Variants in LGMN observed in about 807,000 individuals in gnomAD.
LGMN encodes legumain.
A neutral mutation model predicts 56.8 loss-of-function variants in LGMN; 36 were observed. That is an observed-to-expected ratio of 0.63 (90% CI 0.49 to 0.84). The LOEUF (loss-of-function observed/expected upper bound fraction) is 0.84, where lower values mean the gene tolerates loss of function less well. LGMN is among the 40% of genes least tolerant of loss of function. LGMN has a pLI of 0.00. For missense variants in LGMN, 446 were observed against 556.1 expected (o/e 0.80, Z 1.99); for synonymous variants, 199 against 210.1 (o/e 0.95, Z 0.46).
chr14:92,734,870 T>C (rs1364713149), intron 1 of LGMN, among the ~76,000 whole-genome samples: 1 of 152,150 alleles, frequency 6.6e-6, no homozygotes, highest in South Asian at 2.1e-4. Context: ...GTGGTGCTCA[T>C]TCATTCCTTG....
intron 1 of LGMN, chr14:92,741,454 T>C (rs1891553059): frequency 6.6e-6 from 1 of 152,100 alleles, no homozygotes; most frequent in African/African-American, 2.4e-5. Flanking sequence ...CAGAAGACCA[T>C]CAAAGCCAAG....
chr14:92,747,501 A>AAAAC (rs775173546), intron 1 of LGMN, among the ~76,000 whole-genome samples: 28 of 152,304 alleles, frequency 1.8e-4, no homozygotes, highest in African/African-American at 6.5e-4. Flanking sequence ...AAAACAAAAC[A>AAAAC]AAACAAACAA....
At chr14:92,730,941 A>G (rs1252849554) in intron 2 of LGMN, among the ~76,000 whole-genome samples, 1 of 106,052 alleles carries the variant, frequency 9.4e-6, no homozygotes, top group African/African-American at 3.0e-5. Flanking sequence ...ACCAAAAAAA[A>G]AAAAAAAAGA....
chr14:92,723,049 A>ATC (rs1397513862), intron 2 of LGMN, among the ~76,000 whole-genome samples: 3,279 of 145,846 alleles, frequency 0.022, 135 homozygotes, highest in African/African-American at 0.078. Flanking sequence ...ACAAGTCTAA[A>ATC]TTTTTTTTTT....
At chr14:92,711,632 G>A in intron 10 of LGMN, 27 bp downstream of exon 10, 1 of 1,593,588 alleles carries the variant, frequency 6.3e-7, no homozygotes, top group Non-Finnish European at 8.6e-7. Context: ...AGGAACAGAG[G>A]GCCAGCACGC....
chr14:92,715,928 T>C (rs910474880), intron 5 of LGMN: 2 of 391,548 alleles, frequency 5.1e-6, no homozygotes, highest in African/African-American at 2.1e-5. Flanking sequence ...CCCTGGATCA[T>C]AAGGTGAATT....
chr14:92,729,121 G>A (rs2140254071), intron 2 of LGMN, among the ~76,000 whole-genome samples: 1 of 146,768 alleles, frequency 6.8e-6, no homozygotes, highest in East Asian at 2.0e-4. Flanking sequence ...CACCTGCTCA[G>A]CTTTTCTTTT....
intron 2 of LGMN, among the ~76,000 whole-genome samples, chr14:92,719,200 A>ACATATATAGGTAAG (rs1566923836): frequency 1.7e-5 from 2 of 118,120 alleles, no homozygotes; most frequent in African/African-American, 7.6e-5. Flanking sequence ...CACCGCCACC[A>ACATATATAGGTAAG]ACACCACCAC....
intron 10 of LGMN, among the ~76,000 whole-genome samples, chr14:92,710,079 G>C (rs1280353125): frequency 2.0e-5 from 3 of 152,120 alleles, no homozygotes; most frequent in Non-Finnish European, 4.4e-5. Context: ...GAAAGGCATG[G>C]TCACCCCAGC....
intron 2 of LGMN, among the ~76,000 whole-genome samples, chr14:92,720,712 C>G (rs1358858951): frequency 6.6e-6 from 1 of 152,078 alleles, no homozygotes; most frequent in Non-Finnish European, 1.5e-5. Flanking sequence ...AAATAACAGC[C>G]CCCCAAAGGA....
chr14:92,712,980 G>C, intron 7 of LGMN, 109 bp from the exon 8 acceptor site: 1 of 957,040 alleles, frequency 1.0e-6, no homozygotes, highest in Non-Finnish European at 1.6e-6. Context: ...AGTCCTCCAG[G>C]CTTGCTTCTG....
At chr14:92,705,801 T>C (rs1889400062) in intron 12 of LGMN, among the ~76,000 whole-genome samples, 1 of 151,934 alleles carries the variant, frequency 6.6e-6, no homozygotes, top group Non-Finnish European at 1.5e-5. Flanking sequence ...CTAATTTTGG[T>C]ATATTTAGTA....
intron 2 of LGMN, among the ~76,000 whole-genome samples, chr14:92,729,127 C>CTTTTTTTTT (rs55843490): frequency 1.8e-3 from 200 of 109,954 alleles, no homozygotes; most frequent in Non-Finnish European, 2.2e-3. Context: ...CTCAGCTTTT[C>CTTTTTTTTT]TTTTTTTTTT....
intron 12 of LGMN, among the ~76,000 whole-genome samples, chr14:92,705,331 G>A (rs893261505): frequency 1.3e-5 from 2 of 152,042 alleles, no homozygotes; most frequent in Non-Finnish European, 2.9e-5. Flanking sequence ...GTGAAACCCT[G>A]TCTCTACTAA....
At chr14:92,742,713 C>G (rs559356919) in intron 1 of LGMN, among the ~76,000 whole-genome samples, 247 of 152,244 alleles carry the variant, frequency 1.6e-3, no homozygotes, top group Admixed American at 2.4e-3. Context: ...GTGGGCAACA[C>G]AATGAGATCC....
chr14:92,722,755 G>C (rs983513991), intron 2 of LGMN, among the ~76,000 whole-genome samples: 3 of 152,124 alleles, frequency 2.0e-5, no homozygotes, highest in Non-Finnish European at 4.4e-5. Context: ...AAGCACTCCT[G>C]TATCACTGAG....
chr14:92,743,736 G>A (rs1055837685), intron 1 of LGMN, among the ~76,000 whole-genome samples: 2 of 151,684 alleles, frequency 1.3e-5, no homozygotes, highest in Non-Finnish European at 2.9e-5. Context: ...TGGAGGCAGA[G>A]GTTGCAGTGA....
chr14:92,704,771 TGCAATTGCAGA>T (rs1274037685), intron 12 of LGMN, 64 bp from the exon 13 acceptor site: 1 of 1,347,588 alleles, frequency 7.4e-7, no homozygotes. Flanking sequence ...ACTCCACTTT[TGCAATTGCAGA>T]GGGGAAGCAT....
chr14:92,712,434 A>G (rs983643775), intron 8 of LGMN, among the ~76,000 whole-genome samples: 13 of 152,252 alleles, frequency 8.5e-5, no homozygotes, highest in Admixed American at 2.6e-4. Flanking sequence ...GACACACACT[A>G]TCTTTATCCC....
Sources: allele counts gnomAD v4.1 joint callset (sites outside exome capture counted in the v4.1 genomes callset), GRCh38; gene constraint gnomAD v4.1.1; transcripts MANE v1.5; gene names NCBI Gene and HGNC (gene_info 2026-07-23, HGNC 2026-07-21).